The following STEEP1 variants were observed in gnomAD, a reference collection of about 807,000 sequenced individuals.
STEEP1 encodes STING ER exit protein.
A neutral mutation model predicts 19.2 loss-of-function variants in STEEP1; 3 were observed. That is an observed-to-expected ratio of 0.16 (90% CI 0.07 to 0.40). STEEP1 has a LOEUF of 0.40. STEEP1 is among the 10% of genes least tolerant of loss of function. The pLI is 0.99. For missense variants in STEEP1, 54 were observed against 177.1 expected (o/e 0.30, Z 3.94); for synonymous variants, 46 against 63.7 (o/e 0.72, Z 1.32).
At chrX:119,555,431 C>G (rs754270180) in intron 2 of STEEP1, among the ~76,000 whole-genome samples, 1 of 110,528 alleles carries the variant, frequency 9.0e-6, no homozygotes, top group Non-Finnish European at 1.9e-5. Context: ...TAGACTCCTC[C>G]CCACTCAGAG....
intron 2 of STEEP1, among the ~76,000 whole-genome samples, chrX:119,556,386 G>A (rs1049837599): frequency 2.7e-5 from 3 of 109,876 alleles, no homozygotes; most frequent in African/African-American, 6.6e-5. Context: ...GATCGAGACC[G>A]TCCCGGCTAA....
chrX:119,563,317 G>C (rs1171666059), intron 1 of STEEP1, among the ~76,000 whole-genome samples: 2 of 65,160 alleles, frequency 3.1e-5, no homozygotes, highest in Non-Finnish European at 7.0e-5. Context: ...GGGAGGCCTA[G>C]GTGGGTGGAT....
At chrX:119,548,964 A>G (rs1470950804) in intron 2 of STEEP1, among the ~76,000 whole-genome samples, 1 of 112,233 alleles carries the variant, frequency 8.9e-6, no homozygotes, top group African/African-American at 3.2e-5. Flanking sequence ...GCTAAATGAA[A>G]TAAGCCAAAC....
intron 6 of STEEP1, among the ~76,000 whole-genome samples, chrX:119,540,172 A>G (rs1009251968): frequency 2.7e-5 from 3 of 112,169 alleles, no homozygotes; most frequent in Non-Finnish European, 3.8e-5. Flanking sequence ...TGGTCTATGA[A>G]CTATTTGTTA....
At chrX:119,551,069 A>C (rs1235365218) in intron 2 of STEEP1, among the ~76,000 whole-genome samples, 2 of 112,540 alleles carry the variant, frequency 1.8e-5, no homozygotes, top group African/African-American at 6.5e-5. Context: ...TCATCAAAAA[A>C]GTGAGAAAAC....
At chrX:119,556,995 A>G (rs912630960) in intron 2 of STEEP1, among the ~76,000 whole-genome samples, 1 of 108,502 alleles carries the variant, frequency 9.2e-6, no homozygotes, top group African/African-American at 3.4e-5. Context: ...GTCTCTACTA[A>G]AAATACAAAA....
intron 2 of STEEP1, among the ~76,000 whole-genome samples, chrX:119,559,886 T>C (rs1367011269): frequency 1.7e-5 from 1 of 57,319 alleles, no homozygotes; most frequent in Non-Finnish European, 4.1e-5. Flanking sequence ...GCGTCTCTAC[T>C]AAAAATACAA....
intron 2 of STEEP1, 109 bp from the exon 3 acceptor site, chrX:119,545,613 G>A: frequency 1.9e-6 from 1 of 533,248 alleles, no homozygotes. Context: ...TTTTCATTTG[G>A]GGGCCGGGCA....
At chrX:119,551,506 C>G (rs1387682703) in intron 2 of STEEP1, among the ~76,000 whole-genome samples, 5 of 109,296 alleles carry the variant, frequency 4.6e-5, no homozygotes, top group African/African-American at 1.3e-4. Context: ...AGAATTTCTA[C>G]TTCCTCTGTT....
At chrX:119,552,941 T>A (rs780008094) in intron 2 of STEEP1, among the ~76,000 whole-genome samples, 1 of 111,067 alleles carries the variant, frequency 9.0e-6, no homozygotes, top group African/African-American at 3.3e-5. Context: ...GGTGGGCAGA[T>A]CACCTGAGGT....
At chrX:119,543,633 C>T (rs954819460) in intron 4 of STEEP1, among the ~76,000 whole-genome samples, 14 of 109,649 alleles carry the variant, frequency 1.3e-4, no homozygotes, top group Non-Finnish European at 1.9e-4. Flanking sequence ...TAGGTGAATA[C>T]CATCACACCC....
At chrX:119,542,358 A>G in intron 5 of STEEP1, 147 bp downstream of exon 5, 1 of 432,913 alleles carries the variant, frequency 2.3e-6, no homozygotes, top group Non-Finnish European at 4.1e-6. Flanking sequence ...GAGCCACCAC[A>G]CCCAGCCCAT....
chrX:119,546,380 G>A (rs770539250), intron 2 of STEEP1, among the ~76,000 whole-genome samples: 6 of 103,559 alleles, frequency 5.8e-5, no homozygotes, highest in Non-Finnish European at 1.2e-4. Flanking sequence ...GGCAGAGGCT[G>A]CAGTGAGCCG....
chrX:119,553,151 CAAA>C (rs1237472493), intron 2 of STEEP1, among the ~76,000 whole-genome samples: 1 of 53,530 alleles, frequency 1.9e-5, no homozygotes, highest in South Asian at 1.0e-3. Flanking sequence ...GAGACTGTCT[CAAA>C]AAAAAAAAAA....
At chrX:119,557,478 C>CAAAAAA (rs55913451) in intron 2 of STEEP1, among the ~76,000 whole-genome samples, 11 of 68,895 alleles carry the variant, frequency 1.6e-4, no homozygotes, top group African/African-American at 1.9e-4. Context: ...CACACCATCT[C>CAAAAAA]AAAAAAAAAA....
At chrX:119,545,431 T>A in intron 3 of STEEP1, 32 bp downstream of exon 3, 1 of 1,044,550 alleles carries the variant, frequency 9.6e-7, no homozygotes, top group Middle Eastern at 2.5e-4. Flanking sequence ...TACTTGCCTA[T>A]GCTTGGAGAA....
At chrX:119,542,990 G>T (rs776908715) in intron 4 of STEEP1, among the ~76,000 whole-genome samples, 1 of 52,497 alleles carries the variant, frequency 1.9e-5, no homozygotes. Context: ...GTAGAGACTG[G>T]GTCTCGCAAA....
chrX:119,541,246 T>C, intron 6 of STEEP1, 82 bp downstream of exon 6: 1 of 595,727 alleles, frequency 1.7e-6, no homozygotes, highest in Non-Finnish European at 2.8e-6. Context: ...TCCTAAAAGA[T>C]TTCCCTGCCT....
chrX:119,541,112 A>G (rs1292459086), intron 6 of STEEP1, among the ~76,000 whole-genome samples: 2 of 112,128 alleles, frequency 1.8e-5, no homozygotes, highest in Admixed American at 9.5e-5. Context: ...AGTTAGGGCT[A>G]TAACAAGTAT....
Sources: allele counts gnomAD v4.1 joint callset (sites outside exome capture counted in the v4.1 genomes callset), GRCh38; gene constraint gnomAD v4.1.1; transcripts MANE v1.5; gene names NCBI Gene and HGNC (gene_info 2026-07-23, HGNC 2026-07-21).